The following VAV2 variants were observed in gnomAD, a reference collection of about 807,000 sequenced individuals.
VAV2 encodes the protein guanine nucleotide exchange factor VAV2.
A neutral mutation model predicts 132.5 loss-of-function variants in VAV2; 67 were observed. That is an observed-to-expected ratio of 0.51 (90% CI 0.42 to 0.62). The LOEUF (loss-of-function observed/expected upper bound fraction) is 0.62, where lower values mean the gene tolerates loss of function less well. Ranked by LOEUF, VAV2 falls within the 20% of genes least tolerant of loss-of-function variation. The pLI is 0.00. For synonymous variants in VAV2, 492 were observed against 443.5 expected (o/e 1.11, Z -1.37); for missense variants, 938 against 1,153.6 (o/e 0.81, Z 2.71).
intron 1 of VAV2, among the ~76,000 whole-genome samples, chr9:133,957,211 C>T (rs868320532): frequency 3.3e-4 from 51 of 152,292 alleles, no homozygotes; most frequent in African/African-American, 1.2e-3. Context: ...GCTGCAGGTC[C>T]GGTCTCATTT....
Position 133,879,050 on chromosome 9 carries a change from A to G in VAV2, c.322-17618T>C, listed in dbSNP as rs1007966836. ...AGGATCCCCCCGTTCCCCAGGCATCATCCGCCCCCATCCCAGGCATCCTGT... is the reference window on the plus strand; with the variant it reads ...AGGATCCCCCCGTTCCCCAGGCATCGTCCGCCCCCATCCCAGGCATCCTGT... On this transcript the variant is annotated intron_variant, in intron 2 of 29. Transcript: ENST00000371850. This position sits in a 1 kb window ranked among gnomAD's most constrained non-coding sequence, Gnocchi z 4.4. Among the ~76,000 whole-genome samples the G allele has an allele frequency of 6.6e-6, 1 of 152,160 alleles. No individual in the cohort carries two copies. The highest frequency in any genetic ancestry group is 2.4e-5 in the African/African-American group (1 of 41,436).
intron 2 of VAV2, among the ~76,000 whole-genome samples, chr9:133,902,088 C>T (rs1056758026): frequency 3.4e-5 from 5 of 148,544 alleles, no homozygotes; most frequent in Non-Finnish European, 7.4e-5. Context: ...GACACAGTTT[C>T]GTCAGGACCA....
chr9:133,902,909 C>G (rs930192965), intron 2 of VAV2, among the ~76,000 whole-genome samples: 3 of 151,960 alleles, frequency 2.0e-5, no homozygotes, highest in Non-Finnish European at 4.4e-5. Context: ...AACCCCATCT[C>G]TACTAAAAAT....
At chr9:133,931,255 T>C (rs1840677070) in intron 2 of VAV2, among the ~76,000 whole-genome samples, 1 of 152,120 alleles carries the variant, frequency 6.6e-6, no homozygotes, top group Non-Finnish European at 1.5e-5. Context: ...CCAGCAGCTC[T>C]GGGGAGAACC....
chr9:133,985,679 T>C (rs1842838019), intron 1 of VAV2, among the ~76,000 whole-genome samples: 2 of 152,154 alleles, frequency 1.3e-5, no homozygotes, highest in Admixed American at 6.5e-5. Flanking sequence ...AAATGCAAGG[T>C]AAGCCTGGAA....
intron 3 of VAV2, among the ~76,000 whole-genome samples, chr9:133,837,698 C>CA (rs565492852): frequency 7.9e-5 from 11 of 138,770 alleles, no homozygotes; most frequent in Admixed American, 5.2e-4. Context: ...GACTCCATCT[C>CA]AAAAAAAATA....
At position 133,969,748 on chromosome 9, in the gene VAV2, C is replaced by T. The variant is rs189769618; in HGVS notation, c.204+22327G>A. On this transcript the variant is annotated intron_variant, in intron 1 of 29. Coordinates refer to ENST00000371850, the MANE Select transcript of VAV2 (RefSeq NM_001134398.2). The surrounding 1 kb of genome is among the most constrained non-coding windows in gnomAD (Gnocchi z 5.1). ...CACTCCTCCTGCGCTCCAGCGGGGCCGTCCATCTCTCTCCATTCCCACTTC... is the reference window on the plus strand; with the variant it reads ...CACTCCTCCTGCGCTCCAGCGGGGCTGTCCATCTCTCTCCATTCCCACTTC... Among the ~76,000 whole-genome samples, 4 of 152,236 alleles carry T rather than the reference C, an allele frequency of 2.6e-5. No individual in the cohort carries two copies. The highest frequency in any genetic ancestry group is 2.1e-4 in the South Asian group (1 of 4,816).
intron 1 of VAV2, among the ~76,000 whole-genome samples, chr9:133,990,567 G>A (rs1842984312): frequency 6.6e-6 from 1 of 152,164 alleles, no homozygotes; most frequent in South Asian, 2.1e-4. Context: ...CAGCCTGCAA[G>A]CAGCAGGGAA....
chr9:133,848,094 G>A (rs923997201), intron 3 of VAV2, among the ~76,000 whole-genome samples: 8 of 151,988 alleles, frequency 5.3e-5, no homozygotes, highest in African/African-American at 1.7e-4. Context: ...TGGCTACCAC[G>A]GTGAAACCCC....
At chr9:133,843,055 A>G (rs889883124) in intron 3 of VAV2, among the ~76,000 whole-genome samples, 1 of 152,218 alleles carries the variant, frequency 6.6e-6, no homozygotes, top group African/African-American at 2.4e-5. Flanking sequence ...AAGCCCAGGG[A>G]TCACGTTTCT....
rs573248082 is a variant in VAV2 at position 133,953,164 on chromosome 9, G to A, written c.205-13945C>T. Among the ~76,000 whole-genome samples, 302 of 152,328 alleles carry A rather than the reference G, an allele frequency of 2.0e-3. 2 individuals carry two copies. The highest frequency in any genetic ancestry group is 3.4e-3 in the Non-Finnish European group (229 of 68,024). ...CTGCCAACACCTAGAGCTTCCAGAGGGAGCACAGCCCTGCTGACACCTTGG... is the reference window on the plus strand; with the variant it reads ...CTGCCAACACCTAGAGCTTCCAGAGAGAGCACAGCCCTGCTGACACCTTGG... On this transcript the variant is annotated intron_variant, in intron 1 of 29. Coordinates refer to ENST00000371850, the MANE Select transcript of VAV2 (RefSeq NM_001134398.2).
At chr9:133,943,720 C>T (rs1841257204) in intron 1 of VAV2, among the ~76,000 whole-genome samples, 4 of 152,338 alleles carry the variant, frequency 2.6e-5, no homozygotes, top group South Asian at 4.1e-4. Context: ...CTCCCCACAG[C>T]CCCAGACTGC....
chr9:133,864,548 G>T (rs139912461), intron 2 of VAV2, among the ~76,000 whole-genome samples: 2 of 152,104 alleles, frequency 1.3e-5, no homozygotes, highest in Non-Finnish European at 2.9e-5. Context: ...CCGGCAGCCC[G>T]TCAGCCTCCA....
At chr9:133,930,935 A>C (rs921870744) in intron 2 of VAV2, among the ~76,000 whole-genome samples, 2 of 152,210 alleles carry the variant, frequency 1.3e-5, no homozygotes, top group African/African-American at 4.8e-5. Context: ...AAATGCTTTA[A>C]TGAATAATAA....
intron 1 of VAV2, among the ~76,000 whole-genome samples, chr9:133,978,285 G>A (rs1019128245): frequency 5.9e-5 from 9 of 152,204 alleles, no homozygotes; most frequent in African/African-American, 1.9e-4. Flanking sequence ...ACTGCAGAAA[G>A]GATCCCCCTG....
chr9:133,991,380 G>A lies in VAV2; in HGVS notation c.204+695C>T, dbSNP rs1043114991. Among the ~76,000 whole-genome samples, 4 of 152,194 alleles carry A rather than the reference G, an allele frequency of 2.6e-5. No individual in the cohort carries two copies. Among genetic ancestry groups the A allele is most frequent in the Non-Finnish European group, 5.9e-5 (4 of 68,024 alleles). ...CACGCGTGCCTCCGCCGCGACAAAG[G>A]CCACACTCAGCGCCCGAAGGAGGGG... On this transcript the variant is annotated intron_variant, in intron 1 of 29. Coordinates refer to ENST00000371850, the MANE Select transcript of VAV2 (RefSeq NM_001134398.2). This position sits in a 1 kb window ranked among gnomAD's most constrained non-coding sequence, Gnocchi z 4.8.
intron 2 of VAV2, among the ~76,000 whole-genome samples, chr9:133,921,725 T>C (rs558759250): frequency 5.3e-5 from 8 of 152,374 alleles, no homozygotes; most frequent in African/African-American, 1.7e-4. Flanking sequence ...GACCAAGTGC[T>C]CTCAGCAGCC....
At chr9:133,936,381 T>G (rs1024663647) in intron 2 of VAV2, among the ~76,000 whole-genome samples, 1 of 152,054 alleles carries the variant, frequency 6.6e-6, no homozygotes, top group Non-Finnish European at 1.5e-5. Context: ...TAGCTGGGAT[T>G]ACATACGCCC....
At chr9:133,945,405 C>G (rs1010479168) in intron 1 of VAV2, among the ~76,000 whole-genome samples, 7 of 152,196 alleles carry the variant, frequency 4.6e-5, no homozygotes, top group African/African-American at 1.7e-4. Context: ...CCTGATTGAT[C>G]GGCACATAAT....
Sources: gnomAD v4.1 joint callset for allele counts (sites outside exome capture counted in the v4.1 genomes callset) on GRCh38, gnomAD v4.1.1 for gene constraint, Gnocchi (gnomAD v3.1) non-coding constraint, MANE v1.5 for transcripts, NCBI Gene and HGNC (gene_info 2026-07-23, HGNC 2026-07-21) for gene names.